DLG2: variants seen among roughly 807,000 people sequenced by gnomAD.
The protein encoded by DLG2 is disks large homolog 2.
A neutral mutation model predicts 132.5 loss-of-function variants in DLG2; 45 were observed. The observed-to-expected ratio is 0.34, with a 90% CI of 0.27 to 0.44. DLG2 has a LOEUF of 0.44. DLG2 is among the 20% of genes least tolerant of loss of function. DLG2 has a pLI of 1.00. For missense variants in DLG2, 1,045 were observed against 1,196.9 expected (o/e 0.87, Z 1.87); for synonymous variants, 424 against 419.6 (o/e 1.01, Z -0.13).
chr11:84,947,668 C>T lies in DLG2; in HGVS notation c.357+163993G>A, dbSNP rs149354661. On this transcript the variant is annotated intron_variant, in intron 6 of 27. Coordinates refer to ENST00000376104, the MANE Select transcript of DLG2 (RefSeq NM_001142699.3). The stretch of plus-strand genomic sequence containing the variant: ...ATATAGAAATTTCTGAATAAATAGC[C>T]TCTGCTTGTTCATATTTGAGTGGTC... Among the ~76,000 whole-genome samples the T allele has an allele frequency of 3.9e-5, 6 of 152,268 alleles. No homozygotes were observed. In the East Asian group the frequency reaches 1.2e-3, roughly 29 times the overall value.
chr11:83,676,541 G>C (rs2077723725), intron 18 of DLG2, among the ~76,000 whole-genome samples: 1 of 152,188 alleles, frequency 6.6e-6, no homozygotes, highest in African/African-American at 2.4e-5. Context: ...TACTGTGCCA[G>C]ATACTTTCAT....
intron 7 of DLG2, among the ~76,000 whole-genome samples, chr11:84,333,547 G>A (rs975575764): frequency 6.6e-6 from 1 of 152,096 alleles, no homozygotes; most frequent in Non-Finnish European, 1.5e-5. Flanking sequence ...AAGCTGCCAG[G>A]TACATTCAAA....
chr11:83,949,718 G>C (rs2084925231), intron 14 of DLG2, among the ~76,000 whole-genome samples: 1 of 152,090 alleles, frequency 6.6e-6, no homozygotes, highest in African/African-American at 2.4e-5. Context: ...CTGAAACTTT[G>C]TATCTTTTGA....
intron 4 of DLG2, among the ~76,000 whole-genome samples, chr11:85,227,239 A>G (rs1342224440): frequency 6.6e-6 from 1 of 152,132 alleles, no homozygotes; most frequent in Non-Finnish European, 1.5e-5. Flanking sequence ...GCTATAAATA[A>G]ATGCTTTAAA....
chr11:84,553,947 T>G (rs1200677622), intron 6 of DLG2, among the ~76,000 whole-genome samples: 2 of 152,234 alleles, frequency 1.3e-5, no homozygotes, highest in African/African-American at 4.8e-5. Context: ...TTTGAATGAC[T>G]GCACTGCCAT....
At chr11:84,347,300 C>T (rs778189172) in intron 7 of DLG2, among the ~76,000 whole-genome samples, 11 of 152,132 alleles carry the variant, frequency 7.2e-5, no homozygotes, top group Admixed American at 1.3e-4. Context: ...CATTGTATAT[C>T]GAGATTTCTA....
In DLG2 at chr11:85,427,455, G is replaced by A. The variant is rs189650788; in HGVS notation, c.41-142090C>T. Reference sequence around the variant, plus strand: ...GGCAGAAACTCTACAAGCCAGAAGAGAGTGGGGGCCAATATTCAACTTTCT... The same window carrying A: ...GGCAGAAACTCTACAAGCCAGAAGAAAGTGGGGGCCAATATTCAACTTTCT... On this transcript the variant is annotated intron_variant, in intron 3 of 27. Coordinates refer to ENST00000376104, the MANE Select transcript of DLG2 (RefSeq NM_001142699.3). Among the ~76,000 whole-genome samples the A allele has an allele frequency of 1.7e-3, 264 of 152,322 alleles. 1 individual carries two copies. Among genetic ancestry groups the A allele is most frequent in the African/African-American group, 6.2e-3 (256 of 41,570 alleles).
intron 7 of DLG2, among the ~76,000 whole-genome samples, chr11:84,317,696 T>G (rs566500494): frequency 3.2e-4 from 48 of 152,270 alleles, no homozygotes; most frequent in Admixed American, 2.1e-3. Flanking sequence ...TAAAGGAATT[T>G]TCAACATTTA....
At chr11:83,506,110 T>C (rs752602834) in intron 21 of DLG2, among the ~76,000 whole-genome samples, 2 of 152,214 alleles carry the variant, frequency 1.3e-5, no homozygotes, top group African/African-American at 4.8e-5. Flanking sequence ...TAGTTCATGA[T>C]TGGCAGTTCA....
At position 84,180,950 on chromosome 11, in the gene DLG2, G is replaced by A. The variant is rs138531390; in HGVS notation, c.574-17439C>T. 2.9e-3 allele frequency among the ~76,000 whole-genome samples: 444 copies of A among 151,692 alleles called. 3 individuals carry two copies. Among genetic ancestry groups the A allele is most frequent in the Admixed American group, 0.027 (404 of 15,188 alleles). ...TTCGGAGAGAAGAAAAATCATAAAG[G>A]TCAGAAACATTGATCTACATAAAGA... is the stretch of plus-strand genomic sequence containing the variant. On this transcript the variant is annotated intron_variant, in intron 8 of 27. Coordinates refer to ENST00000376104, the MANE Select transcript of DLG2 (RefSeq NM_001142699.3).
In DLG2 at chr11:84,726,662, G is replaced by A. The variant is rs189647150; in HGVS notation, c.358-191931C>T. Reference sequence around the variant, plus strand: ...GATTGCTGGGTCAAACGGTATTTCTGGTTCTAGATCCTTGAGGAATTGCCA... The same window carrying A: ...GATTGCTGGGTCAAACGGTATTTCTAGTTCTAGATCCTTGAGGAATTGCCA... On this transcript the variant is annotated intron_variant, in intron 6 of 27. Coordinates refer to ENST00000376104, the MANE Select transcript of DLG2 (RefSeq NM_001142699.3). 6.6e-5 allele frequency among the ~76,000 whole-genome samples: 10 copies of A among 152,146 alleles called. No homozygotes were observed. In the East Asian group the frequency reaches 1.9e-3, roughly 29 times the overall value.
rs79701162 is a variant in DLG2, at chr11:84,266,803, T to A, written c.520-15512A>T. On this transcript the variant is annotated intron_variant, in intron 7 of 27. Coordinates refer to ENST00000376104, the MANE Select transcript of DLG2 (RefSeq NM_001142699.3). ...AAGAATTTATCTGAGGCAAGAAGGA[T>A]CATTTCCTCATTATCGTTTCATTGT... Among the ~76,000 whole-genome samples, 735 of 152,322 alleles carry A rather than the reference T, an allele frequency of 4.8e-3. 7 individuals are homozygous for A. The highest frequency in any genetic ancestry group is 0.017 in the African/African-American group (691 of 41,574).
intron 6 of DLG2, chr11:84,922,925 G>T: frequency 1.1e-6 from 1 of 894,662 alleles, no homozygotes; most frequent in Non-Finnish European, 1.7e-6. Flanking sequence ...GAGGCTGCAC[G>T]GCAACAATAA....
intron 6 of DLG2, among the ~76,000 whole-genome samples, chr11:84,921,880 G>A (rs545636508): frequency 6.6e-6 from 1 of 151,968 alleles, no homozygotes; most frequent in African/African-American, 2.4e-5. Flanking sequence ...TCTTATACAT[G>A]GAGGAAAATT....
intron 6 of DLG2, among the ~76,000 whole-genome samples, chr11:84,624,784 G>A (rs1001150408): frequency 1.3e-5 from 2 of 148,510 alleles, no homozygotes; most frequent in African/African-American, 5.0e-5. Context: ...CTCATCTTAA[G>A]ACTAGCATGA....
intron 6 of DLG2, among the ~76,000 whole-genome samples, chr11:84,679,880 T>G (rs2099724385): frequency 6.6e-6 from 1 of 152,116 alleles, no homozygotes; most frequent in Non-Finnish European, 1.5e-5. Flanking sequence ...GACAATTTAT[T>G]CATGTAACAG....
intron 7 of DLG2, among the ~76,000 whole-genome samples, chr11:84,467,271 T>G (rs973409768): frequency 1.5e-4 from 23 of 151,420 alleles, no homozygotes; most frequent in Admixed American, 1.3e-3. Flanking sequence ...TGAGAATCAT[T>G]TGTCATTATT....
intron 3 of DLG2, among the ~76,000 whole-genome samples, chr11:85,524,053 T>C (rs2074541393): frequency 6.6e-6 from 1 of 152,086 alleles, no homozygotes; most frequent in South Asian, 2.1e-4. Flanking sequence ...CTCATGGAGA[T>C]GGAGAGTAGA....
chr11:84,658,343 C>T (rs761737372), intron 6 of DLG2, among the ~76,000 whole-genome samples: 1 of 152,010 alleles, frequency 6.6e-6, no homozygotes, highest in Non-Finnish European at 1.5e-5. Flanking sequence ...GTATCCCTGC[C>T]AAATTTCATA....
Sources: allele counts gnomAD v4.1 joint callset (sites outside exome capture counted in the v4.1 genomes callset), GRCh38; gene constraint gnomAD v4.1.1; transcripts MANE v1.5; gene names NCBI Gene and HGNC (gene_info 2026-07-23, HGNC 2026-07-21).